PSMC3IP: variants seen among roughly 807,000 people sequenced by gnomAD.
PSMC3IP encodes homologous-pairing protein 2 homolog.
In PSMC3IP, 26 loss-of-function variants were observed where a neutral mutation model predicts 34.9. The ratio of observed to expected loss-of-function variants is 0.74; its 90% CI spans 0.55 to 1.03. PSMC3IP has a LOEUF of 1.03. PSMC3IP is among the 50% of genes least tolerant of loss of function. PSMC3IP has a pLI of 0.00. For synonymous variants in PSMC3IP, 87 were observed against 96.5 expected, an observed-to-expected ratio of 0.90 and a Z score of 0.57; for missense variants, 250 against 263.1, an observed-to-expected ratio of 0.95 and a Z score of 0.34.
In PSMC3IP at chr17:42,572,512, G is replaced by A. The variant is rs1313086362; in HGVS notation, c.*456C>T. The stretch of plus-strand genomic sequence containing the variant: ...AAAAGATACTTAAAAGGGCTCCTGG[G>A]GTACACAAGCCCAGCAGGTCCTGAG... On this transcript the variant is annotated 3_prime_UTR_variant, in exon 8 of 8. Coordinates refer to ENST00000393795, the MANE Select transcript of PSMC3IP (RefSeq NM_016556.4). 6.6e-6 allele frequency: 3 copies of A among 454,216 alleles called. No homozygotes were observed. Among genetic ancestry groups the A allele is most frequent in the Non-Finnish European group, 8.8e-6 (2 of 226,692 alleles). 28.1% of individuals were successfully genotyped at this position (454,216 alleles called of 1,614,324 possible). A position where few individuals can be genotyped will look rare whatever the true frequency, so the allele number is the denominator to read the frequency against.
In PSMC3IP at chr17:42,572,919, TCA is replaced by T. The variant is rs1171823322; in HGVS notation, c.*47_*48del. On this transcript the variant is annotated 3_prime_UTR_variant, in exon 8 of 8. Coordinates refer to ENST00000393795, the MANE Select transcript of PSMC3IP (RefSeq NM_016556.4). Reference sequence around the variant, plus strand: ...AACAAGGTAGCCAGTGCAAGACATCTCACTCTTCTGACATCCTGCAGTCCCCA... The same window carrying T: ...AACAAGGTAGCCAGTGCAAGACATCTCTCTTCTGACATCCTGCAGTCCCCA... 1 of 1,598,834 alleles carries T rather than the reference TCA, an allele frequency of 6.3e-7. No individual in the cohort carries two copies. Among genetic ancestry groups the T allele is most frequent in the Non-Finnish European group, 8.6e-7 (1 of 1,167,300 alleles).
intron 3 of PSMC3IP, 178 bp downstream of exon 3, chr17:42,577,035 C>G: frequency 7.0e-7 from 1 of 1,438,402 alleles, no homozygotes; most frequent in Non-Finnish European, 9.3e-7. Context: ...TATTGTAAAT[C>G]TGGAAACCTC....
chr17:42,576,026 C>T (rs1185617381), intron 3 of PSMC3IP, among the ~76,000 whole-genome samples: 3 of 151,580 alleles, frequency 2.0e-5, no homozygotes, highest in Non-Finnish European at 2.9e-5. Flanking sequence ...GTCTCAACAA[C>T]AACAACAACA....
intron 3 of PSMC3IP, chr17:42,574,447 G>T: frequency 8.7e-7 from 1 of 1,154,900 alleles, no homozygotes; most frequent in Non-Finnish European, 1.1e-6. Context: ...TAAGCTACTA[G>T]GTTGACAGGA....
chr17:42,577,818 C>CCCT, upstream of PSMC3IP: 1 of 1,068,350 alleles, frequency 9.4e-7, no homozygotes, highest in Non-Finnish European at 1.4e-6. Flanking sequence ...GCAAAGCGAC[C>CCCT]CCTCCCGGAC....
intron 3 of PSMC3IP, among the ~76,000 whole-genome samples, chr17:42,574,818 A>G (rs2093064753): frequency 7.0e-6 from 1 of 142,180 alleles, no homozygotes; most frequent in East Asian, 2.1e-4. Flanking sequence ...CAGTGGTGCA[A>G]TCTTGGCTGA....
chr17:42,573,169 G>C lies in PSMC3IP; in HGVS notation c.538-3C>G. The C allele has an allele frequency of 6.2e-7, 1 of 1,614,208 alleles. No homozygotes were observed. ...ATTGCATCAGACAGCTCTGTAGCCTGACAAGAAATAAAACCACCCGTTTTC... is the reference window on the plus strand; with the variant it reads ...ATTGCATCAGACAGCTCTGTAGCCTCACAAGAAATAAAACCACCCGTTTTC... On this transcript the variant is annotated splice_polypyrimidine_tract_variant and splice_region_variant and intron_variant, in intron 6 of 7. Coordinates refer to ENST00000393795, the MANE Select transcript of PSMC3IP (RefSeq NM_016556.4).
At chr17:42,574,273 C>A (rs1335827965) in intron 3 of PSMC3IP, 63 bp from the exon 4 acceptor site, 2 of 1,570,400 alleles carry the variant, frequency 1.3e-6, no homozygotes, top group South Asian at 2.3e-5. Context: ...GGAACACACA[C>A]CTGGGAAGGC....
At position 42,577,444 on chromosome 17, in the gene PSMC3IP, C is replaced by T. The variant is rs752871365; in HGVS notation, c.135+17G>A. On this transcript the variant is annotated intron_variant, in intron 2 of 7. Coordinates refer to ENST00000393795, the MANE Select transcript of PSMC3IP (RefSeq NM_016556.4). ...AGGGAGTCCGACGGAGAGGGAATCC[C>T]GGGAGAAGGTCCTCACCGCCTTGCC... 10 of 1,613,458 alleles carry T rather than the reference C, an allele frequency of 6.2e-6. No individual in the cohort carries two copies. The highest frequency in any genetic ancestry group is 7.6e-6 in the Non-Finnish European group (9 of 1,179,576).
intron 4 of PSMC3IP, 103 bp downstream of exon 4, chr17:42,573,996 C>G (rs991816642): frequency 6.4e-7 from 1 of 1,558,298 alleles, no homozygotes; most frequent in Non-Finnish European, 8.7e-7. Context: ...GGGGTCTTAG[C>G]TGCAACAAGA....
chr17:42,574,276 G>A lies in PSMC3IP; in HGVS notation c.226-66C>T, dbSNP rs561554558. The A allele has an allele frequency of 2.6e-5, 41 of 1,568,652 alleles. No homozygotes were observed. In the African/African-American group the frequency reaches 5.2e-4, roughly 20 times the overall value. On this transcript the variant is annotated intron_variant, in intron 3 of 7. Coordinates refer to ENST00000393795, the MANE Select transcript of PSMC3IP (RefSeq NM_016556.4). ...GGCACAAAGATGGGAACACACACCT[G>A]GGAAGGCACCATTTGGATATGCTCA...
rs761739600 is a variant in PSMC3IP at position 42,577,511 on chromosome 17, A to T, written c.85T>A (p.Ser29Thr). 22 of 1,613,974 alleles carry T rather than the reference A, an allele frequency of 1.4e-5. No individual in the cohort carries two copies. The East Asian group carries it at 4.7e-4, about 34-fold the overall frequency. The change falls in exon 2 of 8, where the codon TCC becomes ACC. Residue 29 changes from serine to threonine, a missense_variant. Coordinates refer to ENST00000393795, the MANE Select transcript of PSMC3IP (RefSeq NM_016556.4). ...TGTAGGTTCCCGAACACATCCTGGG[A>T]GCTGTAGGGCCGGTTCTGCTCCTGC... is the stretch of plus-strand genomic sequence containing the variant. ...YLQEQNRPYS[S>T]QDVFGNLQRE...
chr17:42,577,772 A>G (rs2093086559), upstream of PSMC3IP: 7 of 1,525,840 alleles, frequency 4.6e-6, no homozygotes, highest in Non-Finnish European at 6.4e-6. Context: ...GCGGGCCTCG[A>G]ACGGTGATTG....
chr17:42,576,019 T>TCAACAA lies in PSMC3IP; in HGVS notation c.225+1188_225+1193dup, dbSNP rs565806254. ...CTGGGTGACAGAGCGAGACTCCGTC[T>TCAACAA]CAACAACAACAACAACAACAATAAC... is the stretch of plus-strand genomic sequence containing the variant. On this transcript the variant is annotated intron_variant, in intron 3 of 7. Transcript: ENST00000393795. 3.3e-5 allele frequency among the ~76,000 whole-genome samples: 5 copies of TCAACAA among 151,918 alleles called. No homozygotes were observed. In the East Asian group the frequency reaches 9.6e-4, roughly 29 times the overall value.
In PSMC3IP at chr17:42,574,095, C is replaced by G. The variant is rs763443366; in HGVS notation, c.337+4G>C. On this transcript the variant is annotated splice_donor_region_variant and intron_variant, in intron 4 of 7. Transcript: ENST00000393795. Reference sequence around the variant, plus strand: ...GGCACTTTGGAGGGGCTACCCAGTCCTACCAGCCTCCATGTAGCGGCAGCT... The same window carrying G: ...GGCACTTTGGAGGGGCTACCCAGTCGTACCAGCCTCCATGTAGCGGCAGCT... 1 of 1,614,036 alleles carries G rather than the reference C, an allele frequency of 6.2e-7. No individual in the cohort carries two copies. The highest frequency in any genetic ancestry group is 1.3e-5 in the African/African-American group (1 of 74,940).
intron 3 of PSMC3IP, chr17:42,576,904 A>G: frequency 2.4e-6 from 1 of 415,034 alleles, no homozygotes; most frequent in Non-Finnish European, 4.4e-6. Context: ...AGAGAATCGG[A>G]TGGAGGCAGG....
Sources: gnomAD v4.1 joint callset for allele counts (sites outside exome capture counted in the v4.1 genomes callset) on GRCh38, gnomAD v4.1.1 for gene constraint, MANE v1.5 for transcripts, NCBI Gene and HGNC (gene_info 2026-07-23, HGNC 2026-07-21) for gene names.